CHD3: variants seen among roughly 807,000 people sequenced by gnomAD.
The protein encoded by CHD3 is ATP-dependent chromatin remodeler CHD3.
In CHD3, 52 loss-of-function variants were observed where a neutral mutation model predicts 248.9. The observed-to-expected ratio is 0.21, with a 90% CI of 0.17 to 0.26. CHD3 has a LOEUF of 0.26. Among genes scored for constraint, CHD3 ranks in the 10% least tolerant of loss-of-function variants. CHD3 has a pLI of 1.00. For synonymous variants in CHD3, 985 were observed against 985.2 expected (o/e 1.00, Z 0.00); for missense variants, 1,482 against 2,605.8 (o/e 0.57, Z 9.39).
In CHD3 at chr17:7,909,520, C is replaced by A; in HGVS notation, c.5590+182C>A. ...TGGATTTTAGCCTCTAGGACTTGTG[C>A]AAGCCAACCCTCATCCATGTCTGAT... On this transcript the variant is annotated intron_variant, in intron 37 of 39. Coordinates refer to ENST00000330494, the MANE Select transcript of CHD3 (RefSeq NM_001005273.3). This position sits in a 1 kb window ranked among gnomAD's most constrained non-coding sequence, Gnocchi z 8.1. The A allele has an allele frequency of 1.2e-6, 1 of 829,928 alleles. No homozygotes were observed. The highest frequency in any genetic ancestry group is 1.8e-6 in the Non-Finnish European group (1 of 555,332). The allele number at this position is 829,928 out of a possible 1,614,324, so 51.4% of individuals were successfully genotyped here.
chr17:7,903,154 C>A lies in CHD3; in HGVS notation c.3495+93C>A. On this transcript the variant is annotated intron_variant, in intron 22 of 39. Coordinates refer to ENST00000330494, the MANE Select transcript of CHD3 (RefSeq NM_001005273.3). The surrounding 1 kb of genome is among the most constrained non-coding windows in gnomAD (Gnocchi z 6.8). ...TCATGTTCCGGGGTCAGAAATAAATCTCTTCTGGGAGGAGAGAAGGCCCTT... is the reference window on the plus strand; with the variant it reads ...TCATGTTCCGGGGTCAGAAATAAATATCTTCTGGGAGGAGAGAAGGCCCTT... 1 of 1,571,580 alleles carries A rather than the reference C, an allele frequency of 6.4e-7. No individual in the cohort carries two copies. Among genetic ancestry groups the A allele is most frequent in the Non-Finnish European group, 8.7e-7 (1 of 1,152,056 alleles).
At chr17:7,896,025 A>T (rs561082386) in intron 10 of CHD3, among the ~76,000 whole-genome samples, 1 of 152,178 alleles carries the variant, frequency 6.6e-6, no homozygotes, top group Admixed American at 6.5e-5. Flanking sequence ...CAGGAGATCG[A>T]GACTATCCTG....
rs576018259 is a variant in CHD3 at position 7,899,274 on chromosome 17, T to C, written c.2344-69T>C. On this transcript the variant is annotated intron_variant, in intron 14 of 39. Transcript: ENST00000330494. This position sits in a 1 kb window ranked among gnomAD's most constrained non-coding sequence, Gnocchi z 6.8. ...TGGGGAGGGGGAAGATAAAGGGGTG[T>C]AGCTGGCAGAGGACTAGGGTATACG... 34 of 1,601,656 alleles carry C rather than the reference T, an allele frequency of 2.1e-5. No homozygotes were observed. The highest frequency in any genetic ancestry group is 2.9e-5 in the Non-Finnish European group (34 of 1,169,856).
Position 7,907,717 on chromosome 17 carries a change from G to A in CHD3, c.5026+15G>A. 1 of 1,522,726 alleles carries A rather than the reference G, an allele frequency of 6.6e-7. No homozygotes were observed. The highest frequency in any genetic ancestry group is 8.8e-7 in the Non-Finnish European group (1 of 1,139,678). 94.3% of individuals were successfully genotyped at this position (1,522,726 alleles called of 1,614,324 possible). A position where few individuals can be genotyped will look rare whatever the true frequency, so the allele number is the denominator to read the frequency against. ...GGGCAAGAGAGGTAATGGGTGGAAG[G>A]GACCGGACACCTGGGTCCCAGAGGG... On this transcript the variant is annotated intron_variant, in intron 33 of 39. Coordinates refer to ENST00000330494, the MANE Select transcript of CHD3 (RefSeq NM_001005273.3). The surrounding 1 kb of genome is among the most constrained non-coding windows in gnomAD (Gnocchi z 4.3).
At position 7,905,978 on chromosome 17, in the gene CHD3, G is replaced by C. The variant is rs1970876211; in HGVS notation, c.4347G>C (p.Glu1449Asp). 6.2e-7 allele frequency: 1 copy of C among 1,614,116 alleles called. No homozygotes were observed. The highest frequency in any genetic ancestry group is 1.7e-5 in the Admixed American group (1 of 60,026). The change falls in exon 28 of 40, where the codon GAG becomes GAC. Residue 1449 changes from glutamate (E) to aspartate (D), a missense_variant. Glu to Asp is a conservative substitution (Grantham distance 45). This residue lies in a region of CHD3 where 156 missense variants were observed against 420.3 expected (regional missense o/e 0.37). Coordinates refer to ENST00000330494, the MANE Select transcript of CHD3 (RefSeq NM_001005273.3). This position sits in a 1 kb window ranked among gnomAD's most constrained non-coding sequence, Gnocchi z 5.8. ...WLVRDLRGKT[E>D]KEFKAYVSLF... ...TGCGGGACCTGAGGGGCAAGACTGAGAAGGAGTTTAAGTGAGTGTGGGTGA... is the reference window on the plus strand; with the variant it reads ...TGCGGGACCTGAGGGGCAAGACTGACAAGGAGTTTAAGTGAGTGTGGGTGA...
At position 7,903,977 on chromosome 17, in the gene CHD3, C is replaced by A; in HGVS notation, c.3880C>A (p.Arg1294=). ...SSFKVAQYVV[R]EEDKIEEIER... ...CTTCAAGGTGGCACAGTACGTCGTG[C>A]GGGAAGAAGACAAGGTGAGAGGCTT... Residue 1294 remains arginine, a synonymous_variant, in exon 24 of 40, where the codon CGG becomes AGG. Transcript: ENST00000330494. The surrounding 1 kb of genome is among the most constrained non-coding windows in gnomAD (Gnocchi z 6.8). 1.2e-6 allele frequency: 2 copies of A among 1,613,812 alleles called. No homozygotes were observed. The highest frequency in any genetic ancestry group is 1.7e-6 in the Non-Finnish European group (2 of 1,179,860).
rs1470823592 is a variant in CHD3 at position 7,908,185 on chromosome 17, C to G, written c.5152+166C>G. Reference sequence around the variant, plus strand: ...TTGCTCTAAATCTTTCTTAAGTATCCCTCTTAACTCCAAAGCTGGCCCTAA... The same window carrying G: ...TTGCTCTAAATCTTTCTTAAGTATCGCTCTTAACTCCAAAGCTGGCCCTAA... On this transcript the variant is annotated intron_variant, in intron 34 of 39. Coordinates refer to ENST00000330494, the MANE Select transcript of CHD3 (RefSeq NM_001005273.3). The surrounding 1 kb of genome is among the most constrained non-coding windows in gnomAD (Gnocchi z 5.8). Among the ~76,000 whole-genome samples, 1 of 152,124 alleles carries G rather than the reference C, an allele frequency of 6.6e-6. No individual in the cohort carries two copies. The highest frequency in any genetic ancestry group is 2.4e-5 in the African/African-American group (1 of 41,416).
rs746098127 is a variant in CHD3, at chr17:7,901,369, C to T, written c.3246C>T (p.Phe1082=). 3.7e-6 allele frequency: 6 copies of T among 1,606,350 alleles called. No individual in the cohort carries two copies. The highest frequency in any genetic ancestry group is 5.1e-6 in the Non-Finnish European group (6 of 1,175,076). Residue 1082 remains phenylalanine, a synonymous_variant, in exon 20 of 40, where the codon TTC becomes TTT. Coordinates refer to ENST00000330494, the MANE Select transcript of CHD3 (RefSeq NM_001005273.3). The part of the protein sequence containing the change: ...LKEQGHRVLI[F]SQMTKMLDLL... ...AGCAAGGACACCGAGTGCTCATCTT[C>T]TCGCAGGTGACCTGTGCCCTTAGCT...
intron 5 of CHD3, 90 bp from the exon 6 acceptor site, chr17:7,893,715 C>A: frequency 6.5e-7 from 1 of 1,548,342 alleles, no homozygotes. Flanking sequence ...CCACAGCCCA[C>A]AGAGGAATCC....
At position 7,910,003 on chromosome 17, in the gene CHD3, T is replaced by C; in HGVS notation, c.5591-425T>C. ...CCTTACATATTAAAACCGTGATTCC[T>C]TAAAGCTTTGACACTTACCACCTCC... On this transcript the variant is annotated intron_variant, in intron 37 of 39. Transcript: ENST00000330494. The surrounding 1 kb of genome is among the most constrained non-coding windows in gnomAD (Gnocchi z 4.7). 3.5e-6 allele frequency: 1 copy of C among 285,044 alleles called. No individual in the cohort carries two copies. The highest frequency in any genetic ancestry group is 6.8e-6 in the Non-Finnish European group (1 of 146,908). The allele number at this position is 285,044 out of a possible 1,614,324, so 17.7% of individuals were successfully genotyped here.
In CHD3 at chr17:7,899,184, C is replaced by T. The variant is rs747220628; in HGVS notation, c.2325C>T (p.Leu775=). The T allele has an allele frequency of 1.2e-6, 2 of 1,613,866 alleles. No homozygotes were observed. Among genetic ancestry groups the T allele is most frequent in the South Asian group, 2.2e-5 (2 of 91,084 alleles). ...AGACCATACAAACCATCGTCTTCCT[C>T]TACTCACTCTACAAGGAGGTGCTGG... The part of the protein sequence containing the change: ...LGKTIQTIVF[L]YSLYKEGHTK... Residue 775 remains leucine (L), a synonymous_variant, in exon 14 of 40, where the codon CTC becomes CTT. Transcript: ENST00000330494. The surrounding 1 kb of genome is among the most constrained non-coding windows in gnomAD (Gnocchi z 6.8).
chr17:7,901,518 T>G (rs1033608190), intron 20 of CHD3, 143 bp downstream of exon 20: 1 of 794,108 alleles, frequency 1.3e-6, no homozygotes. Flanking sequence ...TTTTTTTTTT[T>G]TTTTTTTTTG....
At position 7,898,085 on chromosome 17, in the gene CHD3, A is replaced by C. The variant is rs1485866049; in HGVS notation, c.2034A>C (p.Gln678His). The change falls in exon 12 of 40, where the codon CAA becomes CAC. Residue 678 changes from glutamine to histidine, a missense_variant. Coordinates refer to ENST00000330494, the MANE Select transcript of CHD3 (RefSeq NM_001005273.3). Reference protein sequence around the residue: ...MNIPEYEEHKQSYWRHRELIM... With the variant: ...MNIPEYEEHKHSYWRHRELIM... ...TCCCTGAATACGAAGAACATAAGCA[A>C]AGCTACTGGAGACACCGGTGAGGGA... The C allele has an allele frequency of 6.2e-7, 1 of 1,614,028 alleles. No homozygotes were observed. The highest frequency in any genetic ancestry group is 8.5e-7 in the Non-Finnish European group (1 of 1,179,924).
chr17:7,908,522 T>C lies in CHD3; in HGVS notation c.5261+12T>C. The stretch of plus-strand genomic sequence containing the variant: ...GCTGGGATTGTCCTGTATCCTTTGA[T>C]ACACATGCAAGAAGGAAAAGGTTCT... On this transcript the variant is annotated intron_variant, in intron 35 of 39. Coordinates refer to ENST00000330494, the MANE Select transcript of CHD3 (RefSeq NM_001005273.3). The surrounding 1 kb of genome is among the most constrained non-coding windows in gnomAD (Gnocchi z 5.8). 2 of 1,604,988 alleles carry C rather than the reference T, an allele frequency of 1.2e-6. No individual in the cohort carries two copies. The highest frequency in any genetic ancestry group is 2.2e-5 in the East Asian group (1 of 44,804).
chr17:7,896,848 G>A (rs1453760967), intron 10 of CHD3, among the ~76,000 whole-genome samples: 5 of 152,120 alleles, frequency 3.3e-5, no homozygotes, highest in East Asian at 3.8e-4. Context: ...TAGTAGAGAC[G>A]GGGTTTCGCC....
Position 7,902,603 on chromosome 17 carries a change from G to C in CHD3, c.3253-7G>C. On this transcript the variant is annotated splice_polypyrimidine_tract_variant and splice_region_variant and intron_variant, in intron 20 of 39. Coordinates refer to ENST00000330494, the MANE Select transcript of CHD3 (RefSeq NM_001005273.3). ...ATTGCAGACTCCATCCTTTTCTCTT[G>C]CTCTAGATGACCAAAATGTTAGACT... 6.3e-7 allele frequency: 1 copy of C among 1,593,834 alleles called. No homozygotes were observed. Among genetic ancestry groups the C allele is most frequent in the Non-Finnish European group, 8.6e-7 (1 of 1,161,958 alleles).
Position 7,902,927 on chromosome 17 carries a change from C to CA in CHD3, c.3371-9dup. The CA allele has an allele frequency of 6.2e-7, 1 of 1,613,974 alleles. No homozygotes were observed. The highest frequency in any genetic ancestry group is 8.5e-7 in the Non-Finnish European group (1 of 1,179,940). Reference sequence around the variant, plus strand: ...TACAAGAAAAACCTGATCCAACTCTCACCTCCTAGCTCCTGGGGCCCAACA... The same window carrying CA: ...TACAAGAAAAACCTGATCCAACTCTCAACCTCCTAGCTCCTGGGGCCCAACA... On this transcript the variant is annotated splice_polypyrimidine_tract_variant and intron_variant, in intron 21 of 39. Transcript: ENST00000330494.
In CHD3 at chr17:7,900,514, A is replaced by G. The variant is rs755247003; in HGVS notation, c.2805-44A>G. On this transcript the variant is annotated intron_variant, in intron 17 of 39. Coordinates refer to ENST00000330494, the MANE Select transcript of CHD3 (RefSeq NM_001005273.3). The surrounding 1 kb of genome is among the most constrained non-coding windows in gnomAD (Gnocchi z 6.5). ...GGTGGTAAGTCTGAGATCAGGGGCA[A>G]GGAACTTGCCGACCTGTTAATTTTC... is the stretch of plus-strand genomic sequence containing the variant. 7.5e-6 allele frequency: 12 copies of G among 1,609,700 alleles called. No homozygotes were observed. The highest frequency in any genetic ancestry group is 4.0e-5 in the African/African-American group (3 of 74,770).
Position 7,908,936 on chromosome 17 carries a change from A to G in CHD3, c.5394+107A>G. 6.7e-7 allele frequency: 1 copy of G among 1,503,758 alleles called. No homozygotes were observed. Among genetic ancestry groups the G allele is most frequent in the Non-Finnish European group, 9.1e-7 (1 of 1,095,846 alleles). The allele number at this position is 1,503,758 out of a possible 1,614,324, so 93.2% of individuals were successfully genotyped here. On this transcript the variant is annotated intron_variant, in intron 36 of 39. Coordinates refer to ENST00000330494, the MANE Select transcript of CHD3 (RefSeq NM_001005273.3). This position sits in a 1 kb window ranked among gnomAD's most constrained non-coding sequence, Gnocchi z 5.8. ...GGTTAACACCTTCAGGGCTGAGGTGATACCTGGGGCCAAGACCAAAGTGTA... is the reference window on the plus strand; with the variant it reads ...GGTTAACACCTTCAGGGCTGAGGTGGTACCTGGGGCCAAGACCAAAGTGTA...
Sources: gnomAD v4.1 joint callset for allele counts (sites outside exome capture counted in the v4.1 genomes callset) on GRCh38, gnomAD v4.1.1 for gene constraint, gnomAD v4.1.1 regional missense constraint, Gnocchi (gnomAD v3.1) non-coding constraint, MANE v1.5 for transcripts, NCBI Gene and HGNC (gene_info 2026-07-23, HGNC 2026-07-21) for gene names.